TBL1Y: variants seen among roughly 807,000 people sequenced by gnomAD.
The protein encoded by TBL1Y is F-box-like/WD repeat-containing protein TBL1Y.
TBL1Y carries 15 observed loss-of-function variants against 12.0 expected under a neutral mutation model. The ratio of observed to expected loss-of-function variants is 1.25; its 90% CI spans 0.83 to 1.92. The LOEUF is 1.92. Ranked by LOEUF, TBL1Y falls within the 40% of genes most tolerant of loss-of-function variation. The pLI is 0.00. For synonymous variants in TBL1Y, 53 were observed against 42.6 expected, an observed-to-expected ratio of 1.24 and a Z score of -0.95; for missense variants, 148 against 116.7, an observed-to-expected ratio of 1.27 and a Z score of -1.24.
chrY:6,984,793 T>C (rs2012307569), intron 3 of TBL1Y, among the ~76,000 whole-genome samples: 1 of 34,084 alleles, frequency 2.9e-5, no homozygotes, highest in Non-Finnish European at 7.3e-5. Flanking sequence ...CATATTTTGC[T>C]GCTGTTGTGG....
At chrY:7,039,191 T>C in intron 6 of TBL1Y, among the ~76,000 whole-genome samples, 1 of 33,579 alleles carries the variant, frequency 3.0e-5, no homozygotes, top group Non-Finnish European at 7.4e-5. Flanking sequence ...TCAGCAACCA[T>C]AGCCTAAGAT....
intron 4 of TBL1Y, among the ~76,000 whole-genome samples, chrY:7,004,016 T>C: frequency 3.0e-5 from 1 of 33,816 alleles, no homozygotes; most frequent in Non-Finnish European, 7.3e-5. Flanking sequence ...ATGTATTAAT[T>C]TTAAAAATGC....
chrY:7,040,773 G>A, intron 6 of TBL1Y, among the ~76,000 whole-genome samples: 1 of 34,161 alleles, frequency 2.9e-5, no homozygotes. Context: ...AGTGTTTGTC[G>A]TTCTATGTGA....
intron 6 of TBL1Y, among the ~76,000 whole-genome samples, chrY:7,026,857 A>G: frequency 8.8e-5 from 3 of 34,057 alleles, no homozygotes; most frequent in Non-Finnish European, 2.2e-4. Context: ...GAAGTAAGAT[A>G]CCTTAGGTGG....
chrY:7,006,336 C>T (rs1012225047), intron 4 of TBL1Y, among the ~76,000 whole-genome samples: 2 of 33,020 alleles, frequency 6.1e-5, no homozygotes, highest in Admixed American at 2.8e-4. Flanking sequence ...CTTTGACAAA[C>T]CTGACAAAAA....
intron 18 of TBL1Y, among the ~76,000 whole-genome samples, chrY:7,090,418 C>A: frequency 2.9e-5 from 1 of 34,248 alleles, no homozygotes; most frequent in Non-Finnish European, 7.3e-5. Flanking sequence ...TTCTAATTAA[C>A]ATTTTCTCAG....
intron 7 of TBL1Y, among the ~76,000 whole-genome samples, chrY:7,060,948 C>G (rs2012859742): frequency 3.1e-5 from 1 of 32,226 alleles, no homozygotes; most frequent in Non-Finnish European, 7.5e-5. Flanking sequence ...TTGGACCTTT[C>G]TATGGTAATT....
At chrY:7,025,944 A>G in intron 6 of TBL1Y, among the ~76,000 whole-genome samples, 7 of 33,275 alleles carry the variant, frequency 2.1e-4, no homozygotes, top group African/African-American at 8.3e-4. Context: ...ACCCCCTCCC[A>G]GAGATGTATG....
intron 6 of TBL1Y, among the ~76,000 whole-genome samples, chrY:7,038,263 T>G (rs1047528261): frequency 2.1e-4 from 7 of 33,474 alleles, no homozygotes; most frequent in Non-Finnish European, 2.9e-4. Flanking sequence ...TCTGTGGTTC[T>G]TATTTTAAGG....
At chrY:6,954,681 C>T (rs2012057771) in intron 2 of TBL1Y, among the ~76,000 whole-genome samples, 1 of 33,291 alleles carries the variant, frequency 3.0e-5, no homozygotes, top group Non-Finnish European at 7.4e-5. Flanking sequence ...GCCCACTGTC[C>T]GACAAGCCCC....
At chrY:7,015,387 G>A (rs1003216027) in intron 4 of TBL1Y, among the ~76,000 whole-genome samples, 1 of 33,233 alleles carries the variant, frequency 3.0e-5, no homozygotes, top group African/African-American at 1.2e-4. Context: ...CCCACTACCC[G>A]GAGCTGTGAG....
chrY:7,015,650 A>G, intron 4 of TBL1Y, among the ~76,000 whole-genome samples: 1 of 33,628 alleles, frequency 3.0e-5, no homozygotes, highest in Admixed American at 2.7e-4. Flanking sequence ...TCCTGGCCTC[A>G]AGCCATCCTC....
chrY:7,065,118 G>C, intron 8 of TBL1Y, among the ~76,000 whole-genome samples: 4 of 32,992 alleles, frequency 1.2e-4, no homozygotes, highest in Non-Finnish European at 7.4e-5. Flanking sequence ...GGATATGATT[G>C]TTTGACTGCA....
At chrY:6,969,091 G>C in intron 2 of TBL1Y, among the ~76,000 whole-genome samples, 1 of 33,084 alleles carries the variant, frequency 3.0e-5, no homozygotes, top group Admixed American at 2.8e-4. Context: ...TGAGTTATGA[G>C]AGCTGAAGAC....
chrY:7,066,076 G>T (rs2012980720), intron 8 of TBL1Y, among the ~76,000 whole-genome samples: 3 of 34,223 alleles, frequency 8.8e-5, no homozygotes, highest in Admixed American at 5.2e-4. Context: ...CTTACATGGT[G>T]GCAGGCAAGA....
chrY:6,957,265 C>A (rs2012076440), intron 2 of TBL1Y, among the ~76,000 whole-genome samples: 2 of 34,444 alleles, frequency 5.8e-5, no homozygotes, highest in Admixed American at 5.2e-4. Context: ...CAGGCATGGG[C>A]TGTATGGTAG....
intron 13 of TBL1Y, among the ~76,000 whole-genome samples, chrY:7,078,683 G>A: frequency 3.0e-5 from 1 of 33,735 alleles, no homozygotes; most frequent in Admixed American, 2.7e-4. Context: ...TCAGGGTTTT[G>A]TGCACACAGC....
At chrY:6,926,793 C>A in intron 2 of TBL1Y, among the ~76,000 whole-genome samples, 1 of 32,425 alleles carries the variant, frequency 3.1e-5, no homozygotes, top group South Asian at 7.1e-4. Flanking sequence ...TTGGGAGAGA[C>A]GGATTCACCA....
At chrY:7,030,099 T>C (rs2012645887) in intron 6 of TBL1Y, among the ~76,000 whole-genome samples, 1 of 33,860 alleles carries the variant, frequency 3.0e-5, no homozygotes, top group Non-Finnish European at 7.3e-5. Flanking sequence ...CTGGTTCATG[T>C]GGTTAACTGT....
Sources: gnomAD v4.1 joint callset for allele counts (sites outside exome capture counted in the v4.1 genomes callset) on GRCh38, gnomAD v4.1.1 for gene constraint, MANE v1.5 for transcripts, NCBI Gene and HGNC (gene_info 2026-07-23, HGNC 2026-07-21) for gene names.